Variants in PRMT7 observed in about 807,000 individuals in gnomAD.
PRMT7 encodes the protein protein arginine methyltransferase 7.
Under a neutral mutation model 85.4 loss-of-function variants are expected in PRMT7, and 75 were observed. That is an observed-to-expected ratio of 0.88 (90% CI 0.73 to 1.06). PRMT7 has a LOEUF of 1.06. PRMT7 is among the 50% of genes least tolerant of loss of function. The pLI is 0.00. For missense variants in PRMT7, 868 were observed against 915.2 expected, an observed-to-expected ratio of 0.95 and a Z score of 0.67; for synonymous variants, 397 against 359.5, an observed-to-expected ratio of 1.10 and a Z score of -1.18.
At chr16:68,353,007 T>G (rs2087642956) in intron 15 of PRMT7, among the ~76,000 whole-genome samples, 1 of 152,148 alleles carries the variant, frequency 6.6e-6, no homozygotes, top group African/African-American at 2.4e-5. Flanking sequence ...GATTTCCACA[T>G]GAATTCTGGT....
At chr16:68,326,964 G>T (rs1337246878) in intron 5 of PRMT7, among the ~76,000 whole-genome samples, 1 of 152,178 alleles carries the variant, frequency 6.6e-6, no homozygotes, top group East Asian at 1.9e-4. Flanking sequence ...AAAGTGATTG[G>T]TGAGAACTAG....
chr16:68,339,592 G>A (rs1280048373), intron 8 of PRMT7, 29 bp downstream of exon 8: 11 of 1,608,732 alleles, frequency 6.8e-6, no homozygotes, highest in South Asian at 3.3e-5. Flanking sequence ...AGGTGATGGC[G>A]CTTTGAGACA....
In PRMT7 at chr16:68,339,467, A is replaced by G; in HGVS notation, c.650A>G (p.Glu217Gly). 1.2e-6 allele frequency: 2 copies of G among 1,614,214 alleles called. No individual in the cohort carries two copies. Among genetic ancestry groups the G allele is most frequent in the African/African-American group, 1.3e-5 (1 of 75,058 alleles). ...EQVIVPPVDV[E>G]SCPGAPSVCD... ...GTCATCGTCCCTCCCGTTGACGTGGAGAGCTGCCCTGGCGCACCCTCTGTC... is the reference window on the plus strand; with the variant it reads ...GTCATCGTCCCTCCCGTTGACGTGGGGAGCTGCCCTGGCGCACCCTCTGTC... Residue 217 changes from glutamate to glycine, a missense_variant, in exon 8 of 19, where the codon GAG (glutamate) becomes GGG (glycine). Physicochemically the swap from Glu to Gly is moderately conservative, Grantham distance 98 (BLOSUM62 -2). Transcript: ENST00000441236.
At chr16:68,325,327 A>G (rs1297469048) in intron 5 of PRMT7, among the ~76,000 whole-genome samples, 2 of 152,232 alleles carry the variant, frequency 1.3e-5, no homozygotes, top group African/African-American at 2.4e-5. Flanking sequence ...GACTTCATGT[A>G]AGAAAGCAAA....
rs147448213 is a variant in PRMT7 at position 68,357,458 on chromosome 16, G to C, written c.*234G>C. ...TTTGGAGCCCTGGAGGGGCTGGGAAGACCCCCCTGCTTGTGCTTCTGAGGT... is the reference window on the plus strand; with the variant it reads ...TTTGGAGCCCTGGAGGGGCTGGGAACACCCCCCTGCTTGTGCTTCTGAGGT... On this transcript the variant is annotated 3_prime_UTR_variant, in exon 19 of 19. Transcript: ENST00000441236. The C allele has an allele frequency of 2.0e-6, 1 of 511,172 alleles. No individual in the cohort carries two copies. The highest frequency in any genetic ancestry group is 2.0e-5 in the African/African-American group (1 of 51,228). 31.7% of individuals were successfully genotyped at this position (511,172 alleles called of 1,614,324 possible).
chr16:68,314,174 T>C (rs902397013), intron 2 of PRMT7, among the ~76,000 whole-genome samples: 1 of 152,200 alleles, frequency 6.6e-6, no homozygotes, highest in African/African-American at 2.4e-5. Flanking sequence ...TTGTCTACTT[T>C]GAACCTGACT....
chr16:68,326,127 A>G (rs2083086863), intron 5 of PRMT7, among the ~76,000 whole-genome samples: 1 of 152,202 alleles, frequency 6.6e-6, no homozygotes. Flanking sequence ...GTTGACCCAA[A>G]GTTAAGTACT....
chr16:68,325,006 GA>G, intron 5 of PRMT7, 174 bp downstream of exon 5: 1 of 768,862 alleles, frequency 1.3e-6, no homozygotes, highest in East Asian at 3.0e-5. Flanking sequence ...CTTCCTCCAG[GA>G]GCTAATTTTC....
At chr16:68,337,704 G>GC in intron 7 of PRMT7, 133 bp downstream of exon 7, 1 of 319,990 alleles carries the variant, frequency 3.1e-6, no homozygotes, top group East Asian at 4.2e-5. Flanking sequence ...CTCCATTCCT[G>GC]GGGGGGCTCT....
At chr16:68,356,840 G>T (rs1019611529) in intron 18 of PRMT7, 43 bp downstream of exon 18, 2 of 1,560,854 alleles carry the variant, frequency 1.3e-6, no homozygotes, top group Admixed American at 1.8e-5. Flanking sequence ...CAGACCCTGA[G>T]AGCAGGCGCC....
At chr16:68,335,360 CATTG>C (rs3837764) in intron 6 of PRMT7, among the ~76,000 whole-genome samples, 92,395 of 151,310 alleles carry the variant, frequency 0.61, 28,375 homozygotes, top group East Asian at 0.78. Flanking sequence ...CTATGTGACT[CATTG>C]ATTGATTGAG....
In PRMT7 at chr16:68,345,787, G is replaced by T; in HGVS notation, c.1040G>T (p.Ser347Ile). The change falls in exon 10 of 19, where the codon AGC becomes ATC. Residue 347 changes from serine to isoleucine, a missense_variant. By Grantham distance (142) the Ser-to-Ile change is moderately radical (BLOSUM62 -2). Transcript: ENST00000441236. ...AHHDDYCVWY[S>I]LQRTSPEKNE... ...CACGATGACTACTGCGTATGGTACA[G>T]CCTGCAGAGGACCAGGTACGTCGAG... 1.2e-6 allele frequency: 2 copies of T among 1,614,146 alleles called. No individual in the cohort carries two copies. The highest frequency in any genetic ancestry group is 1.7e-6 in the Non-Finnish European group (2 of 1,180,024).
At chr16:68,346,105 C>T (rs750517465) in intron 10 of PRMT7, 40 bp from the exon 11 acceptor site, 17 of 1,608,936 alleles carry the variant, frequency 1.1e-5, no homozygotes, top group South Asian at 8.8e-5. Context: ...CCTGTGGAGG[C>T]GCTCACAGCC....
intron 2 of PRMT7, among the ~76,000 whole-genome samples, chr16:68,312,885 C>T (rs779800255): frequency 6.6e-6 from 1 of 152,256 alleles, no homozygotes; most frequent in East Asian, 1.9e-4. Flanking sequence ...AGTGCAGTGG[C>T]GCGATCTTGG....
rs1043237168 is a variant in PRMT7, at chr16:68,345,996, C to T, written c.1056-149C>T. 6.1e-5 allele frequency: 82 copies of T among 1,353,496 alleles called. No homozygotes were observed. In the East Asian group the frequency reaches 2.0e-3, roughly 32 times the overall value. 83.8% of individuals were successfully genotyped at this position (1,353,496 alleles called of 1,614,324 possible). A position where few individuals can be genotyped will look rare whatever the true frequency, so the allele number is the denominator to read the frequency against. ...AGAGGCTGTCATGGGTTGCTGGAAT[C>T]TGTTTAGAGCAGATGCGTAGGAAAA... On this transcript the variant is annotated intron_variant, in intron 10 of 18. Transcript: ENST00000441236.
chr16:68,313,503 A>G (rs2044246836), intron 2 of PRMT7, among the ~76,000 whole-genome samples: 1 of 152,264 alleles, frequency 6.6e-6, no homozygotes, highest in East Asian at 1.9e-4. Context: ...AAGCCTTTCT[A>G]ATTGGATGAA....
At chr16:68,344,968 A>ATTTT (rs3068649) in intron 9 of PRMT7, among the ~76,000 whole-genome samples, 6 of 140,640 alleles carry the variant, frequency 4.3e-5, no homozygotes, top group Non-Finnish European at 6.1e-5. Flanking sequence ...GGGCATGCAC[A>ATTTT]TTTTTTTTTT....
rs888480843 is a variant in PRMT7, at chr16:68,357,292, A to C, written c.*68A>C. 2.3e-5 allele frequency: 34 copies of C among 1,465,948 alleles called. No homozygotes were observed. Among genetic ancestry groups the C allele is most frequent in the Non-Finnish European group, 3.0e-5 (32 of 1,082,352 alleles). The allele number at this position is 1,465,948 out of a possible 1,614,324, so 90.8% of individuals were successfully genotyped here. A position where few individuals can be genotyped will look rare whatever the true frequency, so the allele number is the denominator to read the frequency against. ...GTGGCTCATGGCTTTCTAGCGGGGA[A>C]GGCTGAAGGCCCTCCTCTCCTCTCT... is the stretch of plus-strand genomic sequence containing the variant. On this transcript the variant is annotated 3_prime_UTR_variant, in exon 19 of 19. Transcript: ENST00000441236.
rs1316693387 is a variant in PRMT7, at chr16:68,353,490, A to T, written c.1576-2A>T. 6.2e-7 allele frequency: 1 copy of T among 1,610,216 alleles called. No homozygotes were observed. The highest frequency in any genetic ancestry group is 8.5e-7 in the Non-Finnish European group (1 of 1,178,602). On this transcript the variant is annotated splice_acceptor_variant, in intron 15 of 18. Coordinates refer to ENST00000441236, the MANE Select transcript of PRMT7 (RefSeq NM_019023.5). LOFTEE classifies it high-confidence loss of function. The stretch of plus-strand genomic sequence containing the variant: ...GTGGACGGGGCTGCTCCTTCCTCAC[A>T]GGACCTGTGGCGGATCCGGAGCCCC...
Sources: allele counts gnomAD v4.1 joint callset (sites outside exome capture counted in the v4.1 genomes callset), GRCh38; gene constraint gnomAD v4.1.1; transcripts MANE v1.5; gene names NCBI Gene and HGNC (gene_info 2026-07-23, HGNC 2026-07-21).